Variants in ADARB2 observed in about 807,000 individuals in gnomAD.
ADARB2 encodes the protein adenosine deaminase RNA specific B2 (inactive).
Under a neutral mutation model 62.2 loss-of-function variants are expected in ADARB2, and 25 were observed. That is an observed-to-expected ratio of 0.40 (90% CI 0.29 to 0.56). ADARB2 has a LOEUF of 0.56. Among genes scored for constraint, ADARB2 ranks in the 20% least tolerant of loss-of-function variants. ADARB2 has a pLI of 0.43. For synonymous variants in ADARB2, 572 were observed against 500.8 expected (o/e 1.14, Z -1.90); for missense variants, 1,071 against 1,077.4 (o/e 0.99, Z 0.08).
At chr10:1,488,226 A>G (rs76577073) in intron 1 of ADARB2, among the ~76,000 whole-genome samples, 2 of 73,148 alleles carry the variant, frequency 2.7e-5, no homozygotes, top group African/African-American at 8.0e-5. Flanking sequence ...TTTGGCAAAG[A>G]AAAAAAAAAA....
chr10:1,560,121 T>C (rs1296482021), intron 1 of ADARB2, among the ~76,000 whole-genome samples: 1 of 152,174 alleles, frequency 6.6e-6, no homozygotes, highest in African/African-American at 2.4e-5. Context: ...CCCAGACTAG[T>C]CGGCTCCCTA....
At chr10:1,635,614 G>A (rs762716453) in intron 1 of ADARB2, among the ~76,000 whole-genome samples, 5 of 152,174 alleles carry the variant, frequency 3.3e-5, no homozygotes, top group Non-Finnish European at 5.9e-5. Context: ...ACAGCCTCAC[G>A]TTGGATTAGG....
At chr10:1,224,450 T>C (rs1339856498) in intron 6 of ADARB2, among the ~76,000 whole-genome samples, 1 of 152,114 alleles carries the variant, frequency 6.6e-6, no homozygotes, top group African/African-American at 2.4e-5. Flanking sequence ...ATTTTAGTTA[T>C]TTCTTGCCTT....
intron 1 of ADARB2, among the ~76,000 whole-genome samples, chr10:1,481,751 G>A (rs1831475197): frequency 6.6e-6 from 1 of 151,892 alleles, no homozygotes; most frequent in South Asian, 2.1e-4. Flanking sequence ...CAGCTACTCA[G>A]GAGGCTGAGG....
rs11817513 is a variant in ADARB2, at chr10:1,206,750, G to A, written c.1683-6603C>T. 5.2e-3 allele frequency among the ~76,000 whole-genome samples: 799 copies of A among 152,230 alleles called. 11 individuals are homozygous for A. The highest frequency in any genetic ancestry group is 0.018 in the African/African-American group (748 of 41,552). On this transcript the variant is annotated intron_variant, in intron 7 of 9. Transcript: ENST00000381312. ...TGGTGGCGTCCACACTGTCTGCGTC[G>A]TTGCTGAGCATCCCAGGTCCCCACT...
At chr10:1,583,103 C>A (rs528596014) in intron 1 of ADARB2, among the ~76,000 whole-genome samples, 68 of 152,336 alleles carry the variant, frequency 4.5e-4, no homozygotes, top group African/African-American at 1.2e-3. Flanking sequence ...TAAGGACGAA[C>A]AATTTTTCAG....
intron 3 of ADARB2, among the ~76,000 whole-genome samples, chr10:1,279,157 T>C (rs1411528353): frequency 1.3e-5 from 2 of 152,202 alleles, no homozygotes; most frequent in Non-Finnish European, 2.9e-5. Context: ...TTCTGAAAGC[T>C]GAAGCCCAAG....
chr10:1,460,023 C>T (rs1456368537), intron 1 of ADARB2, among the ~76,000 whole-genome samples: 1 of 82,706 alleles, frequency 1.2e-5, no homozygotes, highest in African/African-American at 4.1e-5. Flanking sequence ...ACAAACCTGC[C>T]TGTGACCTGA....
At chr10:1,233,426 G>A (rs1290297335) in intron 6 of ADARB2, among the ~76,000 whole-genome samples, 4 of 152,170 alleles carry the variant, frequency 2.6e-5, no homozygotes, top group Non-Finnish European at 5.9e-5. Context: ...AGGACACAGG[G>A]ATTGTCTGAG....
chr10:1,646,096 C>T (rs1369439209), intron 1 of ADARB2, among the ~76,000 whole-genome samples: 3 of 152,134 alleles, frequency 2.0e-5, no homozygotes, highest in Non-Finnish European at 4.4e-5. Context: ...AGGGAAGATC[C>T]CCATGTGGAC....
intron 1 of ADARB2, among the ~76,000 whole-genome samples, chr10:1,504,819 G>A (rs1428040040): frequency 1.3e-5 from 2 of 151,904 alleles, no homozygotes; most frequent in East Asian, 1.9e-4. Flanking sequence ...AGTTGTTGCC[G>A]GCTTCATGCT....
chr10:1,581,770 T>C (rs893885459), intron 1 of ADARB2, among the ~76,000 whole-genome samples: 4 of 151,406 alleles, frequency 2.6e-5, no homozygotes, highest in Non-Finnish European at 4.4e-5. Context: ...ATAGACATAG[T>C]GCATAGAGAG....
chr10:1,202,112 G>GTT (rs55836724), intron 7 of ADARB2, among the ~76,000 whole-genome samples: 20 of 150,558 alleles, frequency 1.3e-4, no homozygotes, highest in East Asian at 5.9e-4. Flanking sequence ...TGTTTGTTTT[G>GTT]TTTTTTTTTC....
chr10:1,714,194 A>T (rs966279777), intron 1 of ADARB2, among the ~76,000 whole-genome samples: 3 of 152,226 alleles, frequency 2.0e-5, no homozygotes, highest in Non-Finnish European at 2.9e-5. Context: ...AGTGTTCCAC[A>T]TGAATTTTGC....
intron 1 of ADARB2, among the ~76,000 whole-genome samples, chr10:1,505,604 G>A (rs570800965): frequency 1.1e-4 from 17 of 152,242 alleles, no homozygotes; most frequent in African/African-American, 3.6e-4. Flanking sequence ...AGCCAGGCGC[G>A]TCAGCCGCCT....
intron 7 of ADARB2, among the ~76,000 whole-genome samples, chr10:1,207,160 A>G (rs957554162): frequency 1.3e-5 from 2 of 152,132 alleles, no homozygotes; most frequent in African/African-American, 4.8e-5. Flanking sequence ...CAGCCTGGCC[A>G]ACGTGGCGAA....
chr10:1,474,800 G>C (rs1831376807), intron 1 of ADARB2, among the ~76,000 whole-genome samples: 4 of 152,198 alleles, frequency 2.6e-5, no homozygotes, highest in Admixed American at 1.3e-4. Flanking sequence ...GCAAAGTCGG[G>C]ATGGAAACGC....
chr10:1,347,712 C>T (rs754298710), intron 3 of ADARB2, among the ~76,000 whole-genome samples: 62 of 152,284 alleles, frequency 4.1e-4, no homozygotes, highest in Non-Finnish European at 7.3e-4. Context: ...CAGCCATCAA[C>T]GCCTCCCGAC....
At chr10:1,677,616 G>A (rs1834483394) in intron 1 of ADARB2, among the ~76,000 whole-genome samples, 1 of 152,166 alleles carries the variant, frequency 6.6e-6, no homozygotes, top group Non-Finnish European at 1.5e-5. Context: ...GGTGCATCAT[G>A]GATTTGGAGC....
Sources: gnomAD v4.1 joint callset for allele counts (sites outside exome capture counted in the v4.1 genomes callset) on GRCh38, gnomAD v4.1.1 for gene constraint, MANE v1.5 for transcripts, NCBI Gene and HGNC (gene_info 2026-07-23, HGNC 2026-07-21) for gene names.